The following CAPSL variants were observed in gnomAD, a reference collection of about 807,000 sequenced individuals.
CAPSL encodes calcyphosine like.
Under a neutral mutation model 21.3 loss-of-function variants are expected in CAPSL, and 17 were observed. The ratio of observed to expected loss-of-function variants is 0.80; its 90% CI spans 0.55 to 1.20. The LOEUF is 1.20. CAPSL is among the 50% of genes most tolerant of loss of function. The probability of loss-of-function intolerance (pLI) is 0.00; values close to 1 mark genes in which losing one functional copy is unlikely to be tolerated. For synonymous variants in CAPSL, 102 were observed against 89.3 expected, an observed-to-expected ratio of 1.14 and a Z score of -0.80; for missense variants, 289 against 259.3, an observed-to-expected ratio of 1.11 and a Z score of -0.79.
intron 2 of CAPSL, among the ~76,000 whole-genome samples, chr5:35,913,882 C>A (rs966879310): frequency 6.6e-6 from 1 of 152,106 alleles, no homozygotes; most frequent in African/African-American, 2.4e-5. Context: ...TGTAAATGGG[C>A]TAAATGCTCC....
At chr5:35,925,718 GAA>G (rs1738655430) in intron 1 of CAPSL, among the ~76,000 whole-genome samples, 1 of 152,218 alleles carries the variant, frequency 6.6e-6, no homozygotes, top group African/African-American at 2.4e-5. Context: ...AAAAGGGGAA[GAA>G]GTCTTCTTAA....
chr5:35,919,284 C>A (rs1266591269), intron 2 of CAPSL, among the ~76,000 whole-genome samples: 1 of 151,140 alleles, frequency 6.6e-6, no homozygotes, highest in East Asian at 1.9e-4. Context: ...TCAGGAGTAG[C>A]CAAGTTGTCT....
intron 4 of CAPSL, 77 bp from the exon 5 acceptor site, chr5:35,904,723 T>C: frequency 6.3e-7 from 1 of 1,575,846 alleles, no homozygotes; most frequent in Non-Finnish European, 8.6e-7. Flanking sequence ...TGTGCACCTG[T>C]AAATAGAAGG....
chr5:35,910,326 G>T (rs1470914911), intron 3 of CAPSL, 40 bp downstream of exon 3: 1 of 1,591,068 alleles, frequency 6.3e-7, no homozygotes, highest in Non-Finnish European at 8.6e-7. Flanking sequence ...CCACGTGAAA[G>T]CCAAACTCAG....
intron 4 of CAPSL, among the ~76,000 whole-genome samples, chr5:35,908,464 C>T (rs961189820): frequency 8.5e-5 from 13 of 152,202 alleles, no homozygotes; most frequent in South Asian, 2.1e-4. Flanking sequence ...TTGAATCAGC[C>T]GAATCACAAC....
At chr5:35,927,539 G>A (rs1459012638) in intron 1 of CAPSL, among the ~76,000 whole-genome samples, 1 of 152,174 alleles carries the variant, frequency 6.6e-6, no homozygotes, top group Non-Finnish European at 1.5e-5. Flanking sequence ...GAAAACATTT[G>A]CCTTCTTTTA....
At chr5:35,919,720 T>C (rs1738486918) in intron 2 of CAPSL, among the ~76,000 whole-genome samples, 1 of 152,102 alleles carries the variant, frequency 6.6e-6, no homozygotes, top group Non-Finnish European at 1.5e-5. Flanking sequence ...CAGCTTCCAC[T>C]TGAGTTAGGA....
intron 1 of CAPSL, among the ~76,000 whole-genome samples, chr5:35,924,404 G>C (rs1354184662): frequency 6.6e-6 from 1 of 152,182 alleles, no homozygotes; most frequent in Non-Finnish European, 1.5e-5. Flanking sequence ...GAATCTCAAA[G>C]CACAGTTTGA....
chr5:35,910,087 G>A lies in CAPSL; in HGVS notation c.316-12C>T. 1 of 1,588,906 alleles carries A rather than the reference G, an allele frequency of 6.3e-7. No homozygotes were observed. Among genetic ancestry groups the A allele is most frequent in the South Asian group, 1.2e-5 (1 of 86,232 alleles). ...CTGGACATTGGAGGCTACAAAAATAGAAGAATACATACAGAGACATACATA... is the reference window on the plus strand; with the variant it reads ...CTGGACATTGGAGGCTACAAAAATAAAAGAATACATACAGAGACATACATA... On this transcript the variant is annotated splice_polypyrimidine_tract_variant and intron_variant, in intron 3 of 4. Coordinates refer to ENST00000651391, the MANE Select transcript of CAPSL (RefSeq NM_001042625.2).
At chr5:35,919,168 A>T (rs866159276) in intron 2 of CAPSL, among the ~76,000 whole-genome samples, 203 of 113,014 alleles carry the variant, frequency 1.8e-3, no homozygotes, top group East Asian at 8.9e-3. Flanking sequence ...ATTAAAAAAA[A>T]AAATATATAT....
intron 1 of CAPSL, among the ~76,000 whole-genome samples, chr5:35,934,240 C>G (rs6897132): frequency 0.016 from 2,438 of 152,320 alleles, 85 homozygotes; most frequent in African/African-American, 0.055. Flanking sequence ...CCACTCCTTG[C>G]TCTTGAGCAC....
chr5:35,923,322 G>A (rs115246106), intron 1 of CAPSL, among the ~76,000 whole-genome samples: 1,771 of 152,250 alleles, frequency 0.012, 44 homozygotes, highest in African/African-American at 0.041. Context: ...GACCCTCTTT[G>A]CACACCTTCA....
intron 2 of CAPSL, among the ~76,000 whole-genome samples, chr5:35,919,192 A>ATATATATATATATAT (rs1561439742): frequency 1.2e-4 from 13 of 108,242 alleles, no homozygotes; most frequent in African/African-American, 3.5e-4. Context: ...TATATATATA[A>ATATATATATATATAT]AAATTGTGAA....
Position 35,931,893 on chromosome 5 carries a change from C to G in CAPSL, c.-1+6648G>C, listed in dbSNP as rs1224115347. ...TCAGACAATTGTTTCAAACCCACTG[C>G]AAGGACAAAGCCCAACTGGTACATC... On this transcript the variant is annotated intron_variant, in intron 1 of 4. Transcript: ENST00000651391. 3.3e-5 allele frequency among the ~76,000 whole-genome samples: 5 copies of G among 152,192 alleles called. No individual in the cohort carries two copies. In the East Asian group the frequency reaches 7.7e-4, roughly 23 times the overall value.
At chr5:35,919,169 AAAT>A (rs1278609293) in intron 2 of CAPSL, among the ~76,000 whole-genome samples, 1 of 123,844 alleles carries the variant, frequency 8.1e-6, no homozygotes, top group African/African-American at 3.1e-5. Context: ...TTAAAAAAAA[AAAT>A]ATATATATAT....
At chr5:35,924,187 A>G (rs1561441789) in intron 1 of CAPSL, among the ~76,000 whole-genome samples, 1 of 152,194 alleles carries the variant, frequency 6.6e-6, no homozygotes, top group Non-Finnish European at 1.5e-5. Context: ...GCACGGAAAC[A>G]TGACTCACAG....
intron 2 of CAPSL, among the ~76,000 whole-genome samples, chr5:35,915,726 C>A (rs1738361963): frequency 6.6e-6 from 1 of 152,274 alleles, no homozygotes; most frequent in East Asian, 1.9e-4. Flanking sequence ...ATAATAAGAG[C>A]TATCTATGAC....
chr5:35,920,686 C>T (rs1033129114), intron 2 of CAPSL, among the ~76,000 whole-genome samples: 3 of 152,200 alleles, frequency 2.0e-5, no homozygotes, highest in African/African-American at 4.8e-5. Context: ...GAGTCCCTCT[C>T]ATTGTCCTGG....
chr5:35,931,003 C>G (rs1396439509), intron 1 of CAPSL, among the ~76,000 whole-genome samples: 1 of 152,164 alleles, frequency 6.6e-6, no homozygotes, highest in African/African-American at 2.4e-5. Flanking sequence ...GAATCATATC[C>G]ATGCCAACTT....
Sources: gnomAD v4.1 joint callset for allele counts (sites outside exome capture counted in the v4.1 genomes callset) on GRCh38, gnomAD v4.1.1 for gene constraint, MANE v1.5 for transcripts, NCBI Gene and HGNC (gene_info 2026-07-23, HGNC 2026-07-21) for gene names.